KCNJ16: variants seen among roughly 807,000 people sequenced by gnomAD.
The protein encoded by KCNJ16 is potassium inwardly rectifying channel subfamily J member 16, also known as inward rectifier potassium channel 16.
Under a neutral mutation model 18.5 loss-of-function variants are expected in KCNJ16, and 15 were observed. The observed-to-expected ratio is 0.81, with a 90% CI of 0.54 to 1.25. KCNJ16 has a LOEUF of 1.25. Among genes scored for constraint, KCNJ16 ranks in the 50% most tolerant of loss-of-function variants. The pLI is 0.00. For synonymous variants in KCNJ16, 174 were observed against 186.5 expected, an observed-to-expected ratio of 0.93 and a Z score of 0.55; for missense variants, 523 against 525.7, an observed-to-expected ratio of 0.99 and a Z score of 0.05.
chr17:70,103,222 ATGTG>A (rs1469937526), intron 2 of KCNJ16, among the ~76,000 whole-genome samples: 17 of 143,582 alleles, frequency 1.2e-4, no homozygotes, highest in South Asian at 2.1e-4. Flanking sequence ...GTGTATATAT[ATGTG>A]TATTATATAT....
chr17:70,087,566 T>C (rs1651635814), intron 1 of KCNJ16, among the ~76,000 whole-genome samples: 1 of 151,364 alleles, frequency 6.6e-6, no homozygotes, highest in South Asian at 2.1e-4. Flanking sequence ...AATTAGCCGG[T>C]TGTGGTGGCA....
chr17:70,112,483 C>G (rs1314348549), intron 2 of KCNJ16, among the ~76,000 whole-genome samples: 1 of 150,046 alleles, frequency 6.7e-6, no homozygotes, highest in Non-Finnish European at 1.5e-5. Flanking sequence ...ATTTCTTTCC[C>G]TTGTCTTGAA....
chr17:70,092,580 TA>T (rs2072167583), intron 1 of KCNJ16, among the ~76,000 whole-genome samples: 2 of 150,988 alleles, frequency 1.3e-5, no homozygotes, highest in South Asian at 2.1e-4. Context: ...GATAGATAGA[TA>T]GATAGATAGA....
chr17:70,106,955 T>C (rs1442476255), intron 2 of KCNJ16, among the ~76,000 whole-genome samples: 1 of 152,212 alleles, frequency 6.6e-6, no homozygotes, highest in Non-Finnish European at 1.5e-5. Flanking sequence ...GGCCTCAGAA[T>C]ATCTGCTTTA....
chr17:70,081,051 T>C (rs2071531165), intron 1 of KCNJ16, among the ~76,000 whole-genome samples: 1 of 152,212 alleles, frequency 6.6e-6, no homozygotes, highest in Non-Finnish European at 1.5e-5. Flanking sequence ...TATTGAGTTC[T>C]ATTTGTTTAT....
At chr17:70,098,717 T>C (rs1471198013) in intron 1 of KCNJ16, among the ~76,000 whole-genome samples, 1 of 152,184 alleles carries the variant, frequency 6.6e-6, no homozygotes, top group Non-Finnish European at 1.5e-5. Flanking sequence ...CTAGAAGCTT[T>C]TTCTATGACT....
intron 1 of KCNJ16, among the ~76,000 whole-genome samples, chr17:70,090,300 T>TA (rs2072025687): frequency 6.6e-6 from 1 of 152,310 alleles, no homozygotes; most frequent in Non-Finnish European, 1.5e-5. Context: ...AAAGCTGACC[T>TA]AAAAACACTG....
chr17:70,092,605 A>AGATAGATAGAT (rs1429999393), intron 1 of KCNJ16, among the ~76,000 whole-genome samples: 1 of 147,448 alleles, frequency 6.8e-6, no homozygotes, highest in African/African-American at 2.6e-5. Context: ...ATAGATAGAT[A>AGATAGATAGAT]GATAGATGAG....
Position 70,080,466 on chromosome 17 carries a change from A to C in KCNJ16, c.-300+5076A>C, listed in dbSNP as rs111610130. The stretch of plus-strand genomic sequence containing the variant: ...ATTTAAGACTAAAAGAAAAACTATC[A>C]TAAGACCGTGGAATATTTTGAGCTC... On this transcript the variant is annotated intron_variant, in intron 1 of 3. Transcript: ENST00000392671. Among the ~76,000 whole-genome samples, 1,348 of 152,334 alleles carry C rather than the reference A, an allele frequency of 8.8e-3. 14 individuals are homozygous for C. The highest frequency in any genetic ancestry group is 0.065 in the Middle Eastern group (19 of 294).
In KCNJ16 at chr17:70,131,062, A is replaced by G. The variant is rs372290170; in HGVS notation, c.-94+87A>G. ...TTTGCCTAAGGATGTCCGTGAAAGTATCAGGAAAACACTGAAAAGCCGGAG... is the reference window on the plus strand; with the variant it reads ...TTTGCCTAAGGATGTCCGTGAAAGTGTCAGGAAAACACTGAAAAGCCGGAG... On this transcript the variant is annotated intron_variant, in intron 3 of 3. Coordinates refer to ENST00000392671, the MANE Select transcript of KCNJ16 (RefSeq NM_170741.4). 4 of 1,291,060 alleles carry G rather than the reference A, an allele frequency of 3.1e-6. No individual in the cohort carries two copies. The African/African-American group carries it at 4.4e-5, about 14-fold the overall frequency. 80.0% of individuals were successfully genotyped at this position (1,291,060 alleles called of 1,614,324 possible). A position where few individuals can be genotyped will look rare whatever the true frequency, so the allele number is the denominator to read the frequency against.
At chr17:70,103,922 T>C (rs1475535022) in intron 2 of KCNJ16, among the ~76,000 whole-genome samples, 1 of 144,200 alleles carries the variant, frequency 6.9e-6, no homozygotes, top group Non-Finnish European at 1.5e-5. Context: ...TAATGGTTCA[T>C]TTTTATTTTA....
chr17:70,087,978 C>T (rs1357515574), intron 1 of KCNJ16, among the ~76,000 whole-genome samples: 8 of 138,534 alleles, frequency 5.8e-5, no homozygotes, highest in Non-Finnish European at 9.0e-5. Context: ...GATAGCGCCA[C>T]GCCACTGCAC....
chr17:70,094,282 T>C (rs2072253301), intron 1 of KCNJ16, among the ~76,000 whole-genome samples: 1 of 152,256 alleles, frequency 6.6e-6, no homozygotes, highest in Admixed American at 6.5e-5. Context: ...ATGGAATAAC[T>C]GTCTCAACTA....
At chr17:70,108,532 A>G (rs999806799) in intron 2 of KCNJ16, among the ~76,000 whole-genome samples, 1 of 152,176 alleles carries the variant, frequency 6.6e-6, no homozygotes. Flanking sequence ...TATCTGCTTT[A>G]AAGTGGCCGT....
chr17:70,131,117 T>A (rs2074040181), intron 3 of KCNJ16, 142 bp downstream of exon 3: 1 of 980,918 alleles, frequency 1.0e-6, no homozygotes, highest in East Asian at 2.7e-5. Flanking sequence ...GTGCTCCCTT[T>A]AAGAGGGAAA....
chr17:70,132,417 T>C lies in KCNJ16; in HGVS notation c.330T>C (p.Pro110=), dbSNP rs746242042. 6 of 1,614,192 alleles carry C rather than the reference T, an allele frequency of 3.7e-6. No homozygotes were observed. The highest frequency in any genetic ancestry group is 5.1e-6 in the Non-Finnish European group (6 of 1,180,028). Residue 110 remains proline (P), a synonymous_variant, in exon 4 of 4, where the codon CCT becomes CCC. Coordinates refer to ENST00000392671, the MANE Select transcript of KCNJ16 (RefSeq NM_170741.4). ...TATTAAATGATCCAGACATCACACC[T>C]TGTGTTGACAACGTCCATTCTTTCA... The part of the protein sequence containing the change: ...GDLLNDPDIT[P]CVDNVHSFTG...
chr17:70,099,835 T>C (rs927003716), intron 1 of KCNJ16, among the ~76,000 whole-genome samples: 1 of 152,200 alleles, frequency 6.6e-6, no homozygotes, highest in Non-Finnish European at 1.5e-5. Context: ...AATGATATGA[T>C]GATCACTAAT....
At chr17:70,110,977 T>C (rs888472688) in intron 2 of KCNJ16, among the ~76,000 whole-genome samples, 2 of 152,120 alleles carry the variant, frequency 1.3e-5, no homozygotes, top group Non-Finnish European at 2.9e-5. Flanking sequence ...AGGGCTGATA[T>C]TATAAGGAGA....
Position 70,132,767 on chromosome 17 carries a change from G to A in KCNJ16, c.680G>A (p.Ser227Asn). The change falls in exon 4 of 4, where the codon AGT (serine) becomes AAT (asparagine). Residue 227 changes from serine to asparagine, a missense_variant. Ser to Asn is a conservative substitution (Grantham distance 46, BLOSUM62 1). Coordinates refer to ENST00000392671, the MANE Select transcript of KCNJ16 (RefSeq NM_170741.4). ...RAQLLRYTED[S>N]EGRMTMAFKD... ...CAACTTCTCCGCTATACAGAAGACA[G>A]TGAAGGGAGGATGACGATGGCATTT... is the stretch of plus-strand genomic sequence containing the variant. 2 of 1,614,030 alleles carry A rather than the reference G, an allele frequency of 1.2e-6. No individual in the cohort carries two copies. Among genetic ancestry groups the A allele is most frequent in the South Asian group, 2.2e-5 (2 of 91,090 alleles).
Sources: gnomAD v4.1 joint callset for allele counts (sites outside exome capture counted in the v4.1 genomes callset) on GRCh38, gnomAD v4.1.1 for gene constraint, MANE v1.5 for transcripts, NCBI Gene and HGNC (gene_info 2026-07-23, HGNC 2026-07-21) for gene names.